CORIN: variants seen among roughly 807,000 people sequenced by gnomAD.
The protein encoded by CORIN is corin, serine peptidase.
Under a neutral mutation model 125.3 loss-of-function variants are expected in CORIN, and 117 were observed. The ratio of observed to expected loss-of-function variants is 0.93; its 90% confidence interval spans 0.80 to 1.09. CORIN has a LOEUF of 1.09. Among genes scored for constraint, CORIN ranks in the 50% least tolerant of loss-of-function variants. CORIN has a pLI of 0.00. For synonymous variants in CORIN, 450 were observed against 466.4 expected, an observed-to-expected ratio of 0.96 and a Z score of 0.45; for missense variants, 1,253 against 1,306.7, an observed-to-expected ratio of 0.96 and a Z score of 0.63.
At chr4:47,706,474 G>A in intron 5 of CORIN, 1 of 1,611,460 alleles carries the variant, frequency 6.2e-7, no homozygotes, top group Non-Finnish European at 8.5e-7. Context: ...CCAGCTCTCT[G>A]CTCTTCACAG....
chr4:47,734,772 T>C (rs1300691383), intron 5 of CORIN, among the ~76,000 whole-genome samples: 1 of 152,238 alleles, frequency 6.6e-6, no homozygotes, highest in Non-Finnish European at 1.5e-5. Flanking sequence ...CTGTCCTGCA[T>C]GTACATTGTA....
At chr4:47,717,224 T>C (rs6844990) in intron 5 of CORIN, among the ~76,000 whole-genome samples, 14,969 of 152,184 alleles carry the variant, frequency 0.098, 866 homozygotes, top group East Asian at 0.27. Flanking sequence ...ATGGATCTAA[T>C]AGACAACTCA....
intron 5 of CORIN, among the ~76,000 whole-genome samples, chr4:47,720,609 G>A (rs1014736534): frequency 6.6e-6 from 1 of 152,124 alleles, no homozygotes; most frequent in Non-Finnish European, 1.5e-5. Context: ...CATCTACATA[G>A]AGCTATCCCT....
At chr4:47,605,164 C>T (rs1309930576) in intron 19 of CORIN, among the ~76,000 whole-genome samples, 2 of 152,132 alleles carry the variant, frequency 1.3e-5, no homozygotes, top group African/African-American at 2.4e-5. Flanking sequence ...TTACTCTGCC[C>T]CCTTCACTCT....
At position 47,763,564 on chromosome 4, in the gene CORIN, G is replaced by A. The variant is rs768786469; in HGVS notation, c.432C>T (p.His144=). ...RNTSACMNIT[H]SQCQMLPYHA... is the part of the protein sequence containing the mutation. ...GGTAGGGCAGCATCTGACACTGGCTGTGGGTGATGTTCATACAGGCACCTG... is the reference window on the plus strand; with the variant it reads ...GGTAGGGCAGCATCTGACACTGGCTATGGGTGATGTTCATACAGGCACCTG... The change falls in exon 4 of 22, where the codon CAC becomes CAT. Residue 144 remains histidine, a synonymous_variant. Transcript: ENST00000273857. 33 of 1,614,044 alleles carry A rather than the reference G, an allele frequency of 2.0e-5. No individual in the cohort carries two copies. The highest frequency in any genetic ancestry group is 8.3e-5 in the Admixed American group (5 of 60,006).
Position 47,788,396 on chromosome 4 carries a change from T to C in CORIN, c.209-1471A>G, listed in dbSNP as rs140794538. On this transcript the variant is annotated intron_variant, in intron 2 of 21. Transcript: ENST00000273857. ...ATCAACAGTTTCCTCTGCCAAAAGA[T>C]TGTAAATAAAACATTGAAGCATAAA... Among the ~76,000 whole-genome samples the C allele has an allele frequency of 1.8e-3, 279 of 152,316 alleles. 2 individuals carry two copies. Among genetic ancestry groups the C allele is most frequent in the African/African-American group, 6.1e-3 (253 of 41,576 alleles).
intron 20 of CORIN, among the ~76,000 whole-genome samples, chr4:47,602,220 G>A (rs1386218156): frequency 6.6e-6 from 1 of 152,106 alleles, no homozygotes; most frequent in African/African-American, 2.4e-5. Context: ...GCAGTGAGCC[G>A]AGATTGTGCC....
chr4:47,817,988 G>C (rs1040889577), intron 1 of CORIN, among the ~76,000 whole-genome samples: 4 of 152,058 alleles, frequency 2.6e-5, no homozygotes, highest in African/African-American at 7.2e-5. Context: ...AATATACAAG[G>C]CTTTATCATC....
intron 3 of CORIN, among the ~76,000 whole-genome samples, chr4:47,774,926 G>C (rs1643374411): frequency 1.3e-5 from 2 of 152,196 alleles, no homozygotes; most frequent in Non-Finnish European, 2.9e-5. Context: ...AAGCAGAAAA[G>C]CGGAATGATG....
intron 13 of CORIN, among the ~76,000 whole-genome samples, chr4:47,651,961 A>C (rs1274336592): frequency 2.0e-5 from 3 of 152,178 alleles, no homozygotes; most frequent in Non-Finnish European, 4.4e-5. Context: ...CCCTACAACA[A>C]ATTTAGGTCT....
chr4:47,728,179 G>A (rs1384372348), intron 5 of CORIN, among the ~76,000 whole-genome samples: 2 of 152,160 alleles, frequency 1.3e-5, no homozygotes, highest in Non-Finnish European at 2.9e-5. Context: ...AGATTTTCAT[G>A]TGATGATTCT....
intron 19 of CORIN, among the ~76,000 whole-genome samples, chr4:47,615,157 C>T (rs6839273): frequency 6.6e-6 from 1 of 151,926 alleles, no homozygotes; most frequent in Admixed American, 6.6e-5. Context: ...TGAATGAAAG[C>T]TAGCATGGTT....
intron 10 of CORIN, 148 bp from the exon 11 acceptor site, chr4:47,665,411 T>C (rs1577800846): frequency 9.6e-6 from 6 of 627,108 alleles, no homozygotes; most frequent in Middle Eastern, 4.3e-4. Context: ...TTTATGGATA[T>C]TGAAAATAAG....
chr4:47,684,650 G>A (rs1302214816), intron 6 of CORIN, among the ~76,000 whole-genome samples: 1 of 152,122 alleles, frequency 6.6e-6, no homozygotes, highest in Non-Finnish European at 1.5e-5. Context: ...GTGTGTGTAA[G>A]GCAATTCAAT....
intron 16 of CORIN, among the ~76,000 whole-genome samples, chr4:47,627,625 G>A (rs532521299): frequency 2.0e-5 from 3 of 152,050 alleles, no homozygotes; most frequent in Non-Finnish European, 4.4e-5. Flanking sequence ...AATGAATCCG[G>A]CTCTCCATCA....
At position 47,763,598 on chromosome 4, in the gene CORIN, AG is replaced by A; in HGVS notation, c.410-13del. ...GTTCATACAGGCACCTGGGAAGTAA[AG>A]ACATGCACATTTAAGAGTGGACACA... is the stretch of plus-strand genomic sequence containing the variant. On this transcript the variant is annotated splice_polypyrimidine_tract_variant and intron_variant, in intron 3 of 21. Coordinates refer to ENST00000273857, the MANE Select transcript of CORIN (RefSeq NM_006587.4). 1 of 1,609,004 alleles carries A rather than the reference AG, an allele frequency of 6.2e-7. No homozygotes were observed. The highest frequency in any genetic ancestry group is 1.1e-5 in the South Asian group (1 of 90,956).
intron 1 of CORIN, among the ~76,000 whole-genome samples, chr4:47,812,665 C>T (rs562115838): frequency 1.3e-5 from 2 of 152,256 alleles, no homozygotes; most frequent in African/African-American, 4.8e-5. Context: ...CAAATTTATT[C>T]CTGCTTCTTT....
chr4:47,626,199 G>A (rs1007076991), intron 17 of CORIN, among the ~76,000 whole-genome samples: 2 of 151,798 alleles, frequency 1.3e-5, no homozygotes, highest in Non-Finnish European at 2.9e-5. Context: ...CTGTAATCGT[G>A]AATAAAAGAG....
chr4:47,827,917 TG>T (rs1459170407), intron 1 of CORIN, among the ~76,000 whole-genome samples: 1 of 152,154 alleles, frequency 6.6e-6, no homozygotes, highest in African/African-American at 2.4e-5. Flanking sequence ...ATAGGTAAGA[TG>T]TTCGGATCTG....
Sources: gnomAD v4.1 joint callset for allele counts (sites outside exome capture counted in the v4.1 genomes callset) on GRCh38, gnomAD v4.1.1 for gene constraint, MANE v1.5 for transcripts, NCBI Gene and HGNC (gene_info 2026-07-23, HGNC 2026-07-21) for gene names.